The following ZHX3 variants were observed in gnomAD, a reference collection of about 807,000 sequenced individuals.
ZHX3 encodes zinc fingers and homeoboxes 3, also known as zinc fingers and homeoboxes protein 3.
ZHX3 carries 20 observed loss-of-function variants against 64.5 expected under a neutral mutation model. The observed-to-expected ratio is 0.31, with a 90% CI of 0.22 to 0.45. The LOEUF is 0.45. Ranked by LOEUF, ZHX3 falls within the 20% of genes least tolerant of loss-of-function variation. The pLI is 1.00. For missense variants in ZHX3, 1,041 were observed against 1,195.8 expected, an observed-to-expected ratio of 0.87 and a Z score of 1.91; for synonymous variants, 423 against 461.6, an observed-to-expected ratio of 0.92 and a Z score of 1.07.
At chr20:41,244,135 C>T (rs2041551984) in intron 2 of ZHX3, among the ~76,000 whole-genome samples, 1 of 151,842 alleles carries the variant, frequency 6.6e-6, no homozygotes, top group African/African-American at 2.4e-5. Context: ...ACACTGTCCC[C>T]AGGTCATGAC....
intron 1 of ZHX3, among the ~76,000 whole-genome samples, chr20:41,281,049 TA>T (rs1401487743): frequency 3.3e-5 from 5 of 152,198 alleles, no homozygotes; most frequent in Admixed American, 2.0e-4. Context: ...GTGAAATTTT[TA>T]AATTACAAAA....
At chr20:41,256,239 T>A (rs566100790) in intron 2 of ZHX3, among the ~76,000 whole-genome samples, 1 of 152,114 alleles carries the variant, frequency 6.6e-6, no homozygotes, top group African/African-American at 2.4e-5. Flanking sequence ...GTGAGCTCCA[T>A]GAGGACAGGG....
At chr20:41,227,934 C>G (rs568468910) in intron 2 of ZHX3, among the ~76,000 whole-genome samples, 11 of 152,178 alleles carry the variant, frequency 7.2e-5, no homozygotes, top group Non-Finnish European at 1.5e-4. Context: ...CCCCCTCCCC[C>G]ATGCCAGACT....
intron 2 of ZHX3, among the ~76,000 whole-genome samples, chr20:41,214,915 A>G (rs1303264517): frequency 2.0e-5 from 3 of 152,220 alleles, no homozygotes; most frequent in Non-Finnish European, 4.4e-5. Flanking sequence ...TCATTTTTGT[A>G]CAATCCTTTA....
rs571593065 is a variant in ZHX3, at chr20:41,281,704, G to A, written c.-244-12621C>T. Among the ~76,000 whole-genome samples, 13 of 152,276 alleles carry A rather than the reference G, an allele frequency of 8.5e-5. No individual in the cohort carries two copies. In the South Asian group the frequency reaches 2.5e-3, roughly 29 times the overall value. ...TGGAAGGATGGTGGTGAATGGAGGC[G>A]AGCACAACATGAGGTTAATTAGTCC... is the stretch of plus-strand genomic sequence containing the variant. On this transcript the variant is annotated intron_variant, in intron 1 of 3. Transcript: ENST00000683867.
At chr20:41,276,441 C>A (rs2146660434) in intron 1 of ZHX3, among the ~76,000 whole-genome samples, 1 of 152,256 alleles carries the variant, frequency 6.6e-6, no homozygotes, top group South Asian at 2.1e-4. Flanking sequence ...ATAGTCAAGG[C>A]TCAGCGTTTT....
chr20:41,215,149 C>T (rs992025809), intron 2 of ZHX3, among the ~76,000 whole-genome samples: 2 of 152,120 alleles, frequency 1.3e-5, no homozygotes, highest in East Asian at 1.9e-4. Context: ...TCCCAGCTAT[C>T]GGGAAGCTGA....
At chr20:41,187,824 G>A (rs2036655157) in intron 3 of ZHX3, among the ~76,000 whole-genome samples, 1 of 152,184 alleles carries the variant, frequency 6.6e-6, no homozygotes, top group African/African-American at 2.4e-5. Context: ...TGGGGTACAT[G>A]TGAATATTTT....
intron 1 of ZHX3, among the ~76,000 whole-genome samples, chr20:41,279,994 A>G (rs1414768114): frequency 1.3e-5 from 2 of 152,168 alleles, no homozygotes; most frequent in African/African-American, 4.8e-5. Flanking sequence ...AAGGTGTGAG[A>G]ACAGCTCTCT....
chr20:41,272,334 CAG>C (rs889895415), intron 1 of ZHX3: 1 of 152,140 alleles, frequency 6.6e-6, no homozygotes, highest in Admixed American at 6.5e-5. Flanking sequence ...TGTGAGATCA[CAG>C]AAATTATATG....
In ZHX3 at chr20:41,205,058, C is replaced by A; in HGVS notation, c.-142G>T. On this transcript the variant is annotated 5_prime_UTR_variant, in exon 3 of 4. The change creates a new upstream start codon in the 5' untranslated region. Transcript: ENST00000683867. ...GTTGTTTGCAGAAAGCAGGTTTTCC[C>A]TATTCAATCTAAGGAAAGGGAGAAA... is the stretch of plus-strand genomic sequence containing the variant. The A allele has an allele frequency of 7.6e-7, 1 of 1,321,370 alleles. No individual in the cohort carries two copies. The allele number at this position is 1,321,370 out of a possible 1,614,324, so 81.9% of individuals were successfully genotyped here. A position where few individuals can be genotyped will look rare whatever the true frequency, so the allele number is the denominator to read the frequency against.
Position 41,184,837 on chromosome 20 carries a change from C to T in ZHX3, c.*354G>A. The T allele has an allele frequency of 7.0e-7, 1 of 1,421,240 alleles. No individual in the cohort carries two copies. Among genetic ancestry groups the T allele is most frequent in the Non-Finnish European group, 9.3e-7 (1 of 1,074,816 alleles). 88.0% of individuals were successfully genotyped at this position (1,421,240 alleles called of 1,614,324 possible). The stretch of plus-strand genomic sequence containing the variant: ...TCTACGTAATGACAGTGTTGATAAT[C>T]TGATGTTTTATTTAACATATAGAGG... On this transcript the variant is annotated 3_prime_UTR_variant, in exon 4 of 4. Transcript: ENST00000683867.
intron 1 of ZHX3, among the ~76,000 whole-genome samples, chr20:41,286,019 A>C (rs1274584374): frequency 6.6e-6 from 1 of 152,236 alleles, no homozygotes; most frequent in Non-Finnish European, 1.5e-5. Flanking sequence ...TCAGAGTAGT[A>C]GTCACTGTTG....
Position 41,203,425 on chromosome 20 carries a change from T to C in ZHX3, c.1492A>G (p.Lys498Glu), listed in dbSNP as rs996764333. ...AGCTGTTCATGAGATTTCTTATTTT[T>C]GTAGATGCTAGCATCAAGGAAGGCT... Reference protein sequence around the residue: ...SQAFLDASIYKNKKSHEQLSA... With the variant: ...SQAFLDASIYENKKSHEQLSA... Residue 498 changes from lysine to glutamate, a missense_variant, in exon 3 of 4, where the codon AAA (lysine) becomes GAA (glutamate). By Grantham distance (56) the Lys-to-Glu change is moderately conservative (BLOSUM62 1). This residue lies in a region of ZHX3 where 649 missense variants were observed against 739.8 expected (regional missense o/e 0.88). Coordinates refer to ENST00000683867, the MANE Select transcript of ZHX3 (RefSeq NM_001384317.1). The surrounding 1 kb of genome is among the most constrained non-coding windows in gnomAD (Gnocchi z 7.1). The C allele has an allele frequency of 6.2e-7, 1 of 1,614,194 alleles. No homozygotes were observed. The highest frequency in any genetic ancestry group is 8.5e-7 in the Non-Finnish European group (1 of 1,180,044).
chr20:41,305,329 C>G (rs556292546), intron 1 of ZHX3, among the ~76,000 whole-genome samples: 8 of 152,182 alleles, frequency 5.3e-5, no homozygotes, highest in African/African-American at 1.7e-4. Flanking sequence ...CCTGCCTCTA[C>G]AAAAAATACA....
At chr20:41,291,655 C>T (rs543311749) in intron 1 of ZHX3, among the ~76,000 whole-genome samples, 31 of 151,606 alleles carry the variant, frequency 2.0e-4, no homozygotes, top group East Asian at 1.4e-3. Context: ...GTATGACACA[C>T]GTGTTTGTGT....
At chr20:41,186,650 C>T (rs926382079) in intron 3 of ZHX3, among the ~76,000 whole-genome samples, 1 of 152,112 alleles carries the variant, frequency 6.6e-6, no homozygotes, top group African/African-American at 2.4e-5. Flanking sequence ...CCTCCCAACA[C>T]GTTGTTTTCT....
In ZHX3 at chr20:41,195,747, T is replaced by C. The variant is rs1600724575; in HGVS notation, c.2860+6310A>G. Among the ~76,000 whole-genome samples, 1 of 152,356 alleles carries C rather than the reference T, an allele frequency of 6.6e-6. No individual in the cohort carries two copies. Among genetic ancestry groups the C allele is most frequent in the South Asian group, 2.1e-4 (1 of 4,828 alleles). On this transcript the variant is annotated intron_variant, in intron 3 of 3. Transcript: ENST00000683867. This position sits in a 1 kb window ranked among gnomAD's most constrained non-coding sequence, Gnocchi z 4.2. ...CTCTTTTAATGTATGCATTTACAGCTACAGATTTACCTCTTAGGATTGCTT... is the reference window on the plus strand; with the variant it reads ...CTCTTTTAATGTATGCATTTACAGCCACAGATTTACCTCTTAGGATTGCTT...
chr20:41,229,729 G>A (rs111858187), intron 2 of ZHX3, among the ~76,000 whole-genome samples: 2,931 of 152,068 alleles, frequency 0.019, 101 homozygotes, highest in African/African-American at 0.066. Context: ...CAAGTCCTTT[G>A]ACCATTTTAA....
Sources: gnomAD v4.1 joint callset for allele counts (sites outside exome capture counted in the v4.1 genomes callset) on GRCh38, gnomAD v4.1.1 for gene constraint, gnomAD v4.1.1 regional missense constraint, Gnocchi (gnomAD v3.1) non-coding constraint, MANE v1.5 for transcripts, NCBI Gene and HGNC (gene_info 2026-07-23, HGNC 2026-07-21) for gene names.